DPP6: variants seen among roughly 807,000 people sequenced by gnomAD.
The protein encoded by DPP6 is A-type potassium channel modulatory protein DPP6.
Under a neutral mutation model 122.6 loss-of-function variants are expected in DPP6, and 69 were observed. The observed-to-expected ratio is 0.56, with a 90% confidence interval of 0.46 to 0.69. The LOEUF (loss-of-function observed/expected upper bound fraction) is 0.69, where lower values mean the gene tolerates loss of function less well. Ranked by LOEUF, DPP6 falls within the 30% of genes least tolerant of loss-of-function variation. The pLI is 0.00. For synonymous variants in DPP6, 418 were observed against 433.1 expected, an observed-to-expected ratio of 0.97 and a Z score of 0.43; for missense variants, 928 against 1,116.9, an observed-to-expected ratio of 0.83 and a Z score of 2.41.
intron 3 of DPP6, among the ~76,000 whole-genome samples, chr7:154,533,168 G>A (rs1166577743): frequency 2.0e-5 from 3 of 152,308 alleles, no homozygotes; most frequent in East Asian, 3.9e-4. Context: ...TTCTTTGGAT[G>A]TTCCTGTCTG....
chr7:153,927,077 C>T (rs547362086), intron 1 of DPP6, among the ~76,000 whole-genome samples: 6 of 151,466 alleles, frequency 4.0e-5, no homozygotes, highest in South Asian at 4.2e-4. Context: ...CTTTGGAAGA[C>T]GAAGGCAGGA....
chr7:153,816,159 TATC>T, the DPP6 span, among the ~76,000 whole-genome samples: 3 of 151,982 alleles, frequency 2.0e-5, no homozygotes. Flanking sequence ...TCAACAAAAA[TATC>T]ATCATTAGAA....
intron 1 of DPP6, among the ~76,000 whole-genome samples, chr7:154,238,297 A>G (rs1325357765): frequency 6.6e-6 from 1 of 152,210 alleles, no homozygotes; most frequent in Non-Finnish European, 1.5e-5. Flanking sequence ...AAAGATACGT[A>G]CTTTTCCTGA....
rs534058440 is a variant in DPP6, at chr7:154,228,505, C to G, written c.243+175442C>G. On this transcript the variant is annotated intron_variant, in intron 1 of 25. Transcript: ENST00000377770. ...AAATGTCAAAGATACCGCTTGGGTT[C>G]AAATGGTGCCAGAAGACAGACAAAT... 2.6e-5 allele frequency among the ~76,000 whole-genome samples: 4 copies of G among 152,192 alleles called. No homozygotes were observed. The South Asian group carries it at 8.3e-4, about 32-fold the overall frequency.
chr7:153,828,786 C>T, the DPP6 span, among the ~76,000 whole-genome samples: 1 of 152,058 alleles, frequency 6.6e-6, no homozygotes, highest in African/African-American at 2.4e-5. Context: ...GAACTAATCA[C>T]TTTCATAATT....
intron 1 of DPP6, among the ~76,000 whole-genome samples, chr7:154,137,661 G>T (rs1795636867): frequency 8.3e-6 from 1 of 120,666 alleles, no homozygotes; most frequent in Non-Finnish European, 1.8e-5. Flanking sequence ...GGGGGGGTGG[G>T]GGGGGTGGGG....
intron 21 of DPP6, chr7:154,884,676 CACACACAAGCACACATGA>C (rs1450214415): frequency 6.8e-6 from 1 of 147,392 alleles, no homozygotes; most frequent in Non-Finnish European, 1.5e-5. Context: ...CACACATGCT[CACACACAAGCACACATGA>C]TCACACAGGC....
At chr7:154,831,609 T>TA (rs111776985) in intron 16 of DPP6, among the ~76,000 whole-genome samples, 1,623 of 152,192 alleles carry the variant, frequency 0.011, 35 homozygotes, top group African/African-American at 0.036. Context: ...TATTTCTTTT[T>TA]AAAAAAAATC....
intron 1 of DPP6, among the ~76,000 whole-genome samples, chr7:153,894,233 TAC>T (rs150151723): frequency 0.025 from 3,759 of 152,270 alleles, 59 homozygotes; most frequent in East Asian, 0.077. Context: ...CAGAGGTAAA[TAC>T]ATTTAGTCCA....
chr7:153,750,304 TA>T, the DPP6 span, among the ~76,000 whole-genome samples: 1 of 151,900 alleles, frequency 6.6e-6, no homozygotes. Context: ...TGAGTAGTTA[TA>T]TGTTTCACAT....
intron 1 of DPP6, among the ~76,000 whole-genome samples, chr7:154,081,690 C>G (rs1182162355): frequency 1.3e-5 from 2 of 149,690 alleles, no homozygotes; most frequent in African/African-American, 2.5e-5. Flanking sequence ...TTGTTACTAC[C>G]TGGGGAGAAA....
intron 1 of DPP6, among the ~76,000 whole-genome samples, chr7:154,156,396 T>C (rs1281724925): frequency 1.3e-5 from 2 of 152,206 alleles, no homozygotes; most frequent in African/African-American, 4.8e-5. Flanking sequence ...CAGGGAAACA[T>C]TAATATACCC....
chr7:154,392,174 G>A (rs1355590571), intron 1 of DPP6, among the ~76,000 whole-genome samples: 1 of 152,140 alleles, frequency 6.6e-6, no homozygotes, highest in Non-Finnish European at 1.5e-5. Context: ...TCGGAAGGCT[G>A]AGACAGGAGA....
intron 12 of DPP6, 37 bp downstream of exon 12, chr7:154,795,920 C>T (rs1036767259): frequency 6.3e-7 from 1 of 1,598,222 alleles, no homozygotes; most frequent in Admixed American, 1.8e-5. Flanking sequence ...CTGTCACCTC[C>T]ACCTGATCCA....
chr7:154,197,545 C>CA (rs1798932530), intron 1 of DPP6, among the ~76,000 whole-genome samples: 1 of 152,146 alleles, frequency 6.6e-6, no homozygotes, highest in Admixed American at 6.5e-5. Flanking sequence ...AGAGGTAGTC[C>CA]AGCTTGGAAG....
chr7:154,687,019 A>G (rs1161722307), intron 7 of DPP6, among the ~76,000 whole-genome samples: 1 of 152,128 alleles, frequency 6.6e-6, no homozygotes, highest in Non-Finnish European at 1.5e-5. Context: ...TAAACAATAT[A>G]CCATTTACAT....
intron 1 of DPP6, among the ~76,000 whole-genome samples, chr7:153,892,567 GC>G (rs1205699781): frequency 5.9e-5 from 9 of 152,046 alleles, no homozygotes; most frequent in Non-Finnish European, 1.2e-4. Flanking sequence ...GCCCGTCTCG[GC>G]CCCCCAAAGT....
chr7:154,328,360 G>A (rs1808628115), intron 1 of DPP6, among the ~76,000 whole-genome samples: 1 of 152,166 alleles, frequency 6.6e-6, no homozygotes, highest in Admixed American at 6.5e-5. Context: ...TCCCGAAGCA[G>A]GGAAGTAACG....
At position 154,249,204 on chromosome 7, in the gene DPP6, T is replaced by C. The variant is rs568053841; in HGVS notation, c.243+196141T>C. Among the ~76,000 whole-genome samples the C allele has an allele frequency of 8.5e-5, 13 of 152,354 alleles. No homozygotes were observed. The South Asian group carries it at 2.7e-3, about 32-fold the overall frequency. ...CTAATGGGAGTAAAGGGTAAATAGC[T>C]TAGTCAAAAATGCAGCTCTCTCTTT... On this transcript the variant is annotated intron_variant, in intron 1 of 25. Transcript: ENST00000377770.
Sources: allele counts gnomAD v4.1 joint callset (sites outside exome capture counted in the v4.1 genomes callset), GRCh38; gene constraint gnomAD v4.1.1; transcripts MANE v1.5; gene names NCBI Gene and HGNC (gene_info 2026-07-23, HGNC 2026-07-21).